Variants in SDCBP2 observed in about 807,000 individuals in gnomAD.
The protein encoded by SDCBP2 is syntenin-2.
Under a neutral mutation model 30.7 loss-of-function variants are expected in SDCBP2, and 28 were observed. The observed-to-expected ratio is 0.91, with a 90% CI of 0.68 to 1.25. The LOEUF is 1.25. Ranked by LOEUF, SDCBP2 falls within the 50% of genes most tolerant of loss-of-function variation. SDCBP2 has a pLI of 0.00. For missense variants in SDCBP2, 399 were observed against 379.0 expected, an observed-to-expected ratio of 1.05 and a Z score of -0.44; for synonymous variants, 166 against 157.3, an observed-to-expected ratio of 1.06 and a Z score of -0.41.
At chr20:1,318,234 G>A (rs1568561944) in intron 4 of SDCBP2, 84 bp downstream of exon 4, 2 of 925,854 alleles carry the variant, frequency 2.2e-6, no homozygotes, top group Non-Finnish European at 3.6e-6. Flanking sequence ...CAGAGAGAAA[G>A]AAGGTCTGTT....
intron 1 of SDCBP2, chr20:1,322,244 A>G (rs1446620074): frequency 6.6e-6 from 1 of 152,190 alleles, no homozygotes; most frequent in African/African-American, 2.4e-5. Context: ...CTCCTCTTAC[A>G]GGAAGCCTGC....
intron 1 of SDCBP2, chr20:1,325,351 G>A (rs1307395452): frequency 6.6e-6 from 1 of 152,256 alleles, no homozygotes; most frequent in Non-Finnish European, 1.5e-5. Context: ...GCAACTTCTA[G>A]AGCGCATGCG....
rs74597418 is a variant in SDCBP2, at chr20:1,317,234, G to A, written c.225+1084C>T. ...ATAGAACTAGAGACACACTGTACTC[G>A]CGTAAGACTCCTGGTTTTGATAGTG... is the stretch of plus-strand genomic sequence containing the variant. On this transcript the variant is annotated intron_variant, in intron 4 of 8. Transcript: ENST00000360779. Among the ~76,000 whole-genome samples, 1,110 of 152,212 alleles carry A rather than the reference G, an allele frequency of 7.3e-3. 12 individuals carry two copies. The highest frequency in any genetic ancestry group is 0.025 in the African/African-American group (1,029 of 41,524).
chr20:1,310,967 G>T, intron 7 of SDCBP2, 76 bp from the exon 8 acceptor site: 1 of 1,055,228 alleles, frequency 9.5e-7, no homozygotes, highest in Non-Finnish European at 1.4e-6. Context: ...TCTGTGGAGG[G>T]ATCAGCATGG....
chr20:1,318,809 G>A (rs79030119), intron 3 of SDCBP2, among the ~76,000 whole-genome samples: 5,057 of 152,224 alleles, frequency 0.033, 134 homozygotes, highest in Middle Eastern at 0.088. Flanking sequence ...TCTCTCTCGT[G>A]TTCTCGTTTT....
intron 8 of SDCBP2, 61 bp downstream of exon 8, chr20:1,310,739 C>T (rs553506078): frequency 2.8e-5 from 41 of 1,439,850 alleles, no homozygotes; most frequent in Middle Eastern, 3.7e-4. Flanking sequence ...CCTGGGAGGC[C>T]GGGAGGTGAA....
chr20:1,319,768 G>T, intron 2 of SDCBP2, 109 bp from the exon 3 acceptor site: 1 of 844,532 alleles, frequency 1.2e-6, no homozygotes, highest in Non-Finnish European at 1.8e-6. Flanking sequence ...GAGTGGGCCC[G>T]GGGTGTGGGG....
chr20:1,325,206 G>C (rs1344911712), intron 1 of SDCBP2, among the ~76,000 whole-genome samples: 1 of 152,176 alleles, frequency 6.6e-6, no homozygotes, highest in Non-Finnish European at 1.5e-5. Context: ...CTGTCACATC[G>C]TTCTATGATC....
Position 1,318,306 on chromosome 20 carries a change from C to G in SDCBP2, c.225+12G>C, listed in dbSNP as rs766509650. 78 of 1,596,842 alleles carry G rather than the reference C, an allele frequency of 4.9e-5. 1 individual carries two copies. In the South Asian group the frequency reaches 8.5e-4, roughly 17 times the overall value. On this transcript the variant is annotated intron_variant, in intron 4 of 8. Transcript: ENST00000360779. ...GTTCTGCGCCCGCAGCAGGCAGAAG[C>G]CAAATACATACACTGTCACCCTCTG...
rs2088838887 is a variant in SDCBP2 at position 1,320,593 on chromosome 20, C to G, written c.-19-158G>C. Reference sequence around the variant, plus strand: ...CCTCCCCGAACTCCACCCCTAATCCCCTGTCGATATTTGAACTCTACTGTA... The same window carrying G: ...CCTCCCCGAACTCCACCCCTAATCCGCTGTCGATATTTGAACTCTACTGTA... On this transcript the variant is annotated intron_variant, in intron 1 of 8. Coordinates refer to ENST00000360779, the MANE Select transcript of SDCBP2 (RefSeq NM_080489.5). The surrounding 1 kb of genome is among the most constrained non-coding windows in gnomAD (Gnocchi z 4.7). The G allele has an allele frequency of 3.5e-6, 2 of 574,418 alleles. No individual in the cohort carries two copies. The highest frequency in any genetic ancestry group is 3.8e-5 in the African/African-American group (2 of 53,318). The allele number at this position is 574,418 out of a possible 1,614,324, so 35.6% of individuals were successfully genotyped here. A position where few individuals can be genotyped will look rare whatever the true frequency, so the allele number is the denominator to read the frequency against.
Position 1,310,261 on chromosome 20 carries a change from T to G in SDCBP2, c.*180A>C, listed in dbSNP as rs1023148016. 3.6e-6 allele frequency: 2 copies of G among 549,128 alleles called. No individual in the cohort carries two copies. The highest frequency in any genetic ancestry group is 6.2e-5 in the East Asian group (2 of 32,134). 34.0% of individuals were successfully genotyped at this position (549,128 alleles called of 1,614,324 possible). On this transcript the variant is annotated 3_prime_UTR_variant, in exon 9 of 9. Transcript: ENST00000360779. ...CTGAGCCTCAGCCTAGCTTGGAGTC[T>G]GAGGCTCCAAGGAGGCCTGTGTGTA...
chr20:1,327,168 C>T (rs1219159535), intron 1 of SDCBP2, among the ~76,000 whole-genome samples: 1 of 152,180 alleles, frequency 6.6e-6, no homozygotes, highest in East Asian at 1.9e-4. Context: ...TCTCCCACAG[C>T]CCTTTCCAGA....
At chr20:1,319,828 G>A (rs981570746) in intron 2 of SDCBP2, among the ~76,000 whole-genome samples, 169 bp from the exon 3 acceptor site, 14 of 152,188 alleles carry the variant, frequency 9.2e-5, no homozygotes, top group Non-Finnish European at 1.3e-4. Context: ...CGTGGCCTCC[G>A]CAGATGTGTC....
At chr20:1,312,308 G>A in intron 7 of SDCBP2, 29 bp downstream of exon 7, 1 of 1,605,188 alleles carries the variant, frequency 6.2e-7, no homozygotes, top group South Asian at 1.1e-5. Flanking sequence ...CCACCCGGCA[G>A]TCCCTCCCTG....
At chr20:1,311,494 C>T (rs757904045) in intron 7 of SDCBP2, among the ~76,000 whole-genome samples, 6 of 152,228 alleles carry the variant, frequency 3.9e-5, no homozygotes, top group Admixed American at 3.3e-4. Flanking sequence ...CAAACACTAA[C>T]GTTATGGCCA....
chr20:1,326,984 G>T (rs998772934), intron 1 of SDCBP2, among the ~76,000 whole-genome samples: 1 of 152,178 alleles, frequency 6.6e-6, no homozygotes, highest in Non-Finnish European at 1.5e-5. Flanking sequence ...AATAACCTGG[G>T]CCTGGAAAAG....
intron 7 of SDCBP2, 155 bp from the exon 8 acceptor site, chr20:1,311,046 A>T: frequency 1.7e-6 from 1 of 573,354 alleles, no homozygotes; most frequent in Non-Finnish European, 3.1e-6. Context: ...AGCCTGTCAG[A>T]TGAGGGTCCC....
chr20:1,310,212 G>C lies in SDCBP2; in HGVS notation c.*229C>G. 1 of 482,278 alleles carries C rather than the reference G, an allele frequency of 2.1e-6. No individual in the cohort carries two copies. Among genetic ancestry groups the C allele is most frequent in the Non-Finnish European group, 3.7e-6 (1 of 269,596 alleles). The allele number at this position is 482,278 out of a possible 1,614,324, so 29.9% of individuals were successfully genotyped here. On this transcript the variant is annotated 3_prime_UTR_variant, in exon 9 of 9. Coordinates refer to ENST00000360779, the MANE Select transcript of SDCBP2 (RefSeq NM_080489.5). ...GTCCAGCATTTAAATCAGCACAAGA[G>C]AATCGGCTGCCTGTGGGCCCTGCCT...
Position 1,310,251 on chromosome 20 carries a change from G to T in SDCBP2, c.*190C>A. On this transcript the variant is annotated 3_prime_UTR_variant, in exon 9 of 9. Transcript: ENST00000360779. ...TGGGCCCTGCCTGAGCCTCAGCCTAGCTTGGAGTCTGAGGCTCCAAGGAGG... is the reference window on the plus strand; with the variant it reads ...TGGGCCCTGCCTGAGCCTCAGCCTATCTTGGAGTCTGAGGCTCCAAGGAGG... 1.9e-6 allele frequency: 1 copy of T among 532,838 alleles called. No individual in the cohort carries two copies. The highest frequency in any genetic ancestry group is 3.4e-6 in the Non-Finnish European group (1 of 297,598). The allele number at this position is 532,838 out of a possible 1,614,324, so 33.0% of individuals were successfully genotyped here. A position where few individuals can be genotyped will look rare whatever the true frequency, so the allele number is the denominator to read the frequency against.
Sources: allele counts gnomAD v4.1 joint callset (sites outside exome capture counted in the v4.1 genomes callset), GRCh38; gene constraint gnomAD v4.1.1; non-coding constraint Gnocchi (gnomAD v3.1); transcripts MANE v1.5; gene names NCBI Gene and HGNC (gene_info 2026-07-23, HGNC 2026-07-21).